KCNIP4: variants seen among roughly 807,000 people sequenced by gnomAD.
KCNIP4 encodes Kv channel-interacting protein 4.
Under a neutral mutation model 34.0 loss-of-function variants are expected in KCNIP4, and 12 were observed. The observed-to-expected ratio is 0.35, with a 90% CI of 0.23 to 0.57. KCNIP4 has a LOEUF of 0.57. KCNIP4 is among the 20% of genes least tolerant of loss of function. The pLI, the probability that KCNIP4 is intolerant of heterozygous loss-of-function variation, is 0.83. For synonymous variants in KCNIP4, 124 were observed against 102.2 expected, an observed-to-expected ratio of 1.21 and a Z score of -1.29; for missense variants, 238 against 311.7, an observed-to-expected ratio of 0.76 and a Z score of 1.78.
chr4:21,331,944 G>A (rs1715679136), intron 1 of KCNIP4, among the ~76,000 whole-genome samples: 6 of 151,992 alleles, frequency 3.9e-5, no homozygotes, highest in Admixed American at 3.9e-4. Context: ...TTGTAACAAT[G>A]CATGGCACAT....
intron 1 of KCNIP4, among the ~76,000 whole-genome samples, chr4:21,665,107 G>A (rs1398575315): frequency 6.6e-6 from 1 of 152,026 alleles, no homozygotes; most frequent in Non-Finnish European, 1.5e-5. Flanking sequence ...GACATATAGT[G>A]GGCTCTCAAT....
chr4:21,372,676 G>A (rs567211886), intron 1 of KCNIP4, among the ~76,000 whole-genome samples: 8 of 146,536 alleles, frequency 5.5e-5, no homozygotes, highest in Non-Finnish European at 7.4e-5. Context: ...AAGATATTTC[G>A]TCAAATTGAT....
At chr4:21,279,545 C>T (rs1005423806) in intron 1 of KCNIP4, among the ~76,000 whole-genome samples, 1 of 150,532 alleles carries the variant, frequency 6.6e-6, no homozygotes, top group African/African-American at 2.4e-5. Context: ...ATGCCCTACA[C>T]ATCCATAGTA....
chr4:21,799,485 CTGTT>C (rs1344320347), intron 1 of KCNIP4, among the ~76,000 whole-genome samples: 2 of 152,120 alleles, frequency 1.3e-5, no homozygotes, highest in Non-Finnish European at 2.9e-5. Flanking sequence ...TATATGATAC[CTGTT>C]TGTTGCAGGG....
At chr4:21,863,970 C>A (rs1455877185) in intron 1 of KCNIP4, among the ~76,000 whole-genome samples, 1 of 152,166 alleles carries the variant, frequency 6.6e-6, no homozygotes, top group Admixed American at 6.5e-5. Flanking sequence ...AACAATTAGT[C>A]TTTGATTTTC....
chr4:21,150,536 T>C (rs1199983886), intron 1 of KCNIP4, among the ~76,000 whole-genome samples: 13 of 152,156 alleles, frequency 8.5e-5, no homozygotes, highest in Non-Finnish European at 1.8e-4. Flanking sequence ...GAGGGAGTGA[T>C]AGAGTTGGGT....
intron 1 of KCNIP4, among the ~76,000 whole-genome samples, chr4:21,909,499 G>A (rs1458908629): frequency 2.6e-5 from 4 of 152,068 alleles, no homozygotes; most frequent in East Asian, 3.9e-4. Flanking sequence ...TCTGCTGCTT[G>A]TTTATTTCAT....
At chr4:21,176,289 T>C (rs1306835855) in intron 1 of KCNIP4, among the ~76,000 whole-genome samples, 1 of 152,168 alleles carries the variant, frequency 6.6e-6, no homozygotes, top group African/African-American at 2.4e-5. Context: ...ACTAGATTCC[T>C]GTCTCACAGT....
intron 1 of KCNIP4, among the ~76,000 whole-genome samples, chr4:21,792,058 C>T (rs1231717879): frequency 6.8e-6 from 1 of 146,646 alleles, no homozygotes; most frequent in African/African-American, 2.6e-5. Flanking sequence ...TTCATCCCTA[C>T]ACTCTCTCTG....
chr4:21,873,800 G>C (rs1725943812), intron 1 of KCNIP4, among the ~76,000 whole-genome samples: 1 of 152,172 alleles, frequency 6.6e-6, no homozygotes, highest in South Asian at 2.1e-4. Context: ...GGTCTTGTAG[G>C]AGTAATCAAT....
intron 1 of KCNIP4, among the ~76,000 whole-genome samples, chr4:20,959,873 T>G (rs1733682722): frequency 6.6e-6 from 1 of 152,104 alleles, no homozygotes; most frequent in Non-Finnish European, 1.5e-5. Context: ...ATGAGGAAAA[T>G]GGGAATATCC....
intron 1 of KCNIP4, among the ~76,000 whole-genome samples, chr4:21,186,000 TATCCTAGAG>T (rs1301831540): frequency 1.3e-5 from 2 of 152,214 alleles, no homozygotes; most frequent in Non-Finnish European, 2.9e-5. Flanking sequence ...ACCTGCTCTC[TATCCTAGAG>T]AGTAACCTTC....
At chr4:20,782,001 A>G (rs1371286758) in intron 3 of KCNIP4, among the ~76,000 whole-genome samples, 8 of 152,140 alleles carry the variant, frequency 5.3e-5, no homozygotes, top group Admixed American at 1.3e-4. Context: ...GCCATTCCAA[A>G]TGGGAGAAAT....
chr4:20,797,647 C>T (rs1048320863), intron 3 of KCNIP4, among the ~76,000 whole-genome samples: 6 of 152,010 alleles, frequency 3.9e-5, no homozygotes, highest in African/African-American at 9.7e-5. Context: ...AAACCAGAAA[C>T]GGAAAGCAGG....
intron 1 of KCNIP4, among the ~76,000 whole-genome samples, chr4:21,271,559 G>A (rs541146252): frequency 2.0e-4 from 31 of 152,164 alleles, no homozygotes; most frequent in African/African-American, 6.7e-4. Context: ...TTGTCCAAAG[G>A]TCTGATGGGG....
chr4:20,911,472 TA>T (rs951307591), intron 1 of KCNIP4, among the ~76,000 whole-genome samples: 14 of 152,314 alleles, frequency 9.2e-5, no homozygotes, highest in African/African-American at 3.4e-4. Flanking sequence ...TGAGATGGGT[TA>T]AATTAATTTT....
rs1022574766 is a variant in KCNIP4, at chr4:21,242,591, T to C, written c.62-359882A>G. ...ATGTGTTTGGGGATCAACCAATCCA[T>C]TGAGAGTCTGAATAGAACAAAAAGG... On this transcript the variant is annotated intron_variant, in intron 1 of 8. Transcript: ENST00000382152. Among the ~76,000 whole-genome samples, 13 of 152,250 alleles carry C rather than the reference T, an allele frequency of 8.5e-5. No homozygotes were observed. The South Asian group carries it at 2.5e-3, about 29-fold the overall frequency.
intron 1 of KCNIP4, among the ~76,000 whole-genome samples, chr4:21,381,678 T>G (rs1382031264): frequency 6.6e-6 from 1 of 152,218 alleles, no homozygotes; most frequent in Non-Finnish European, 1.5e-5. Flanking sequence ...TGCCAAAGAT[T>G]ACCTATTTAT....
At chr4:21,032,109 T>C (rs918307364) in intron 1 of KCNIP4, among the ~76,000 whole-genome samples, 1 of 152,208 alleles carries the variant, frequency 6.6e-6, no homozygotes, top group South Asian at 2.1e-4. Flanking sequence ...ATTTCAAACA[T>C]TGCTTGTATC....
Sources: allele counts gnomAD v4.1 joint callset (sites outside exome capture counted in the v4.1 genomes callset), GRCh38; gene constraint gnomAD v4.1.1; transcripts MANE v1.5; gene names NCBI Gene and HGNC (gene_info 2026-07-23, HGNC 2026-07-21).